The following GLB1L3 variants were observed in gnomAD, a reference collection of about 807,000 sequenced individuals.
GLB1L3 encodes the protein beta-galactosidase-1-like protein 3.
A neutral mutation model predicts 89.5 loss-of-function variants in GLB1L3; 89 were observed. That is an observed-to-expected ratio of 0.99 (90% CI 0.84 to 1.19). The LOEUF is 1.19. Ranked by LOEUF, GLB1L3 falls within the 50% of genes most tolerant of loss-of-function variation. The pLI is 0.00. For synonymous variants in GLB1L3, 314 were observed against 312.3 expected, an observed-to-expected ratio of 1.01 and a Z score of -0.06; for missense variants, 812 against 813.3, an observed-to-expected ratio of 1.00 and a Z score of 0.02.
intron 2 of GLB1L3, 117 bp downstream of exon 2, chr11:134,277,568 C>T (rs1940446157): frequency 5.9e-6 from 9 of 1,516,104 alleles, no homozygotes; most frequent in Non-Finnish European, 8.2e-6. Context: ...CAGAACACGT[C>T]CTACTAACAT....
At chr11:134,292,265 G>T (rs553547890) in intron 8 of GLB1L3, 52 bp downstream of exon 8, 2 of 1,387,698 alleles carry the variant, frequency 1.4e-6, no homozygotes, top group African/African-American at 1.4e-5. Flanking sequence ...GCCAGCCCGT[G>T]TAAATCTTGA....
intron 10 of GLB1L3, among the ~76,000 whole-genome samples, chr11:134,309,319 A>T (rs1197561174): frequency 6.6e-6 from 1 of 152,190 alleles, no homozygotes. Context: ...TTGAATGATA[A>T]AACATTTGCA....
In GLB1L3 at chr11:134,309,543, T is replaced by C. The variant is rs989929560; in HGVS notation, c.962-83T>C. The C allele has an allele frequency of 6.6e-6, 7 of 1,064,294 alleles. No individual in the cohort carries two copies. In the South Asian group the frequency reaches 9.5e-5, roughly 15 times the overall value. 65.9% of individuals were successfully genotyped at this position (1,064,294 alleles called of 1,614,324 possible). A position where few individuals can be genotyped will look rare whatever the true frequency, so the allele number is the denominator to read the frequency against. ...TACTGTAACTGATTGTGGAGTGGGGTTGGAAAGGATAAGAGTTTGCCAGAG... is the reference window on the plus strand; with the variant it reads ...TACTGTAACTGATTGTGGAGTGGGGCTGGAAAGGATAAGAGTTTGCCAGAG... On this transcript the variant is annotated intron_variant, in intron 10 of 19. Coordinates refer to ENST00000431683, the MANE Select transcript of GLB1L3 (RefSeq NM_001080407.3).
intron 9 of GLB1L3, among the ~76,000 whole-genome samples, chr11:134,298,143 A>C (rs1460526586): frequency 6.6e-6 from 1 of 151,902 alleles, no homozygotes; most frequent in Non-Finnish European, 1.5e-5. Flanking sequence ...GTTTGAGTGT[A>C]ATATGCCTAG....
chr11:134,322,855 T>C (rs1943183700), downstream of GLB1L3, among the ~76,000 whole-genome samples: 1 of 152,238 alleles, frequency 6.6e-6, no homozygotes. Flanking sequence ...TTGGATATTA[T>C]GAATAATGCT....
intron 9 of GLB1L3, among the ~76,000 whole-genome samples, chr11:134,306,917 A>G (rs1942230671): frequency 6.6e-6 from 1 of 152,222 alleles, no homozygotes; most frequent in African/African-American, 2.4e-5. Context: ...GCTGGAGACC[A>G]TGGACGTTTA....
intron 15 of GLB1L3, 32 bp downstream of exon 15, chr11:134,312,919 C>T (rs115988739): frequency 4.3e-5 from 61 of 1,416,634 alleles, no homozygotes; most frequent in Non-Finnish European, 5.3e-5. Context: ...GTGATGCCCT[C>T]GACCCCCCTC....
At position 134,309,607 on chromosome 11, in the gene GLB1L3, C is replaced by T; in HGVS notation, c.962-19C>T. 6.4e-7 allele frequency: 1 copy of T among 1,561,832 alleles called. No homozygotes were observed. Among genetic ancestry groups the T allele is most frequent in the Non-Finnish European group, 8.7e-7 (1 of 1,147,548 alleles). ...CTTAATTTCTAACATTCTCTGTGTT[C>T]TCATGTTCCCCTTTGCAGAGGTTGA... On this transcript the variant is annotated intron_variant, in intron 10 of 19. Transcript: ENST00000431683.
chr11:134,291,842 G>T (rs1328014416), intron 7 of GLB1L3, among the ~76,000 whole-genome samples: 2 of 152,184 alleles, frequency 1.3e-5, no homozygotes, highest in Admixed American at 1.3e-4. Context: ...GGACATGGTG[G>T]CGTGTGCCTG....
intron 10 of GLB1L3, among the ~76,000 whole-genome samples, chr11:134,309,270 C>G (rs902656321): frequency 4.6e-5 from 7 of 152,184 alleles, no homozygotes; most frequent in African/African-American, 1.7e-4. Flanking sequence ...GTAGTTCTGG[C>G]CAATTCTGCC....
chr11:134,316,682 A>G (rs929648376), intron 18 of GLB1L3: 4 of 152,204 alleles, frequency 2.6e-5, no homozygotes, highest in African/African-American at 9.7e-5. Flanking sequence ...AAGCCCAACA[A>G]AAGAGAAGGT....
Position 134,308,475 on chromosome 11 carries a change from T to C in GLB1L3, c.962-1151T>C, listed in dbSNP as rs1284131426. Among the ~76,000 whole-genome samples the C allele has an allele frequency of 1.3e-3, 26 of 20,374 alleles. 1 individual carries two copies. The highest frequency in any genetic ancestry group is 3.4e-3 in the African/African-American group (17 of 5,034). The allele number at this position is 20,374 out of a possible 152,430, so 13.4% of individuals were successfully genotyped here. A position where few individuals can be genotyped will look rare whatever the true frequency, so the allele number is the denominator to read the frequency against. ...CACCACCACCACCACCACCACCAAA[T>C]ACCACCACCACCATCACCACCAAAT... On this transcript the variant is annotated intron_variant, in intron 10 of 19. Coordinates refer to ENST00000431683, the MANE Select transcript of GLB1L3 (RefSeq NM_001080407.3).
chr11:134,293,909 C>T (rs1237901551), intron 9 of GLB1L3, among the ~76,000 whole-genome samples: 2 of 152,122 alleles, frequency 1.3e-5, no homozygotes, highest in Non-Finnish European at 1.5e-5. Flanking sequence ...GCCTCTGCCT[C>T]CGCTCCCAGC....
At chr11:134,308,475 T>TACCACCACCACC (rs1223184668) in intron 10 of GLB1L3, among the ~76,000 whole-genome samples, 2 of 20,352 alleles carry the variant, frequency 9.8e-5, no homozygotes, top group Non-Finnish European at 9.4e-5. Flanking sequence ...CACCACCAAA[T>TACCACCACCACC]ACCACCACCA....
At chr11:134,276,984 C>T (rs1410652356) in intron 1 of GLB1L3, among the ~76,000 whole-genome samples, 2 of 152,232 alleles carry the variant, frequency 1.3e-5, no homozygotes, top group Admixed American at 6.5e-5. Flanking sequence ...CAGGGTGGGG[C>T]ACGCAGGCCA....
chr11:134,315,183 G>A (rs750479083), intron 18 of GLB1L3, among the ~76,000 whole-genome samples: 1 of 152,150 alleles, frequency 6.6e-6, no homozygotes. Context: ...TTTCACTGTT[G>A]TATTGGGTTC....
At chr11:134,284,837 G>A (rs1006726753) in intron 6 of GLB1L3, among the ~76,000 whole-genome samples, 7 of 151,410 alleles carry the variant, frequency 4.6e-5, no homozygotes, top group Non-Finnish European at 8.8e-5. Context: ...CCCCCATTCC[G>A]TGTCTGTGTA....
downstream of GLB1L3, among the ~76,000 whole-genome samples, chr11:134,323,392 CACGT>C (rs747332539): frequency 7.1e-3 from 379 of 53,090 alleles, 1 homozygote; most frequent in Middle Eastern, 0.017. Context: ...CACACACACA[CACGT>C]ACACACACAC....
intron 12 of GLB1L3, 41 bp downstream of exon 12, chr11:134,310,692 T>G (rs774584190): frequency 3.4e-6 from 5 of 1,450,612 alleles, no homozygotes; most frequent in Non-Finnish European, 4.8e-6. Context: ...GCCCTCCTCA[T>G]GTGGAGTCTC....
Sources: gnomAD v4.1 joint callset for allele counts (sites outside exome capture counted in the v4.1 genomes callset) on GRCh38, gnomAD v4.1.1 for gene constraint, MANE v1.5 for transcripts, NCBI Gene and HGNC (gene_info 2026-07-23, HGNC 2026-07-21) for gene names.